CIT: variants seen among roughly 807,000 people sequenced by gnomAD.
CIT encodes the protein citron Rho-interacting kinase.
In CIT, 79 loss-of-function variants were observed where a neutral mutation model predicts 272.7. The ratio of observed to expected loss-of-function variants is 0.29; its 90% confidence interval spans 0.24 to 0.35. CIT has a LOEUF of 0.35. CIT is among the 10% of genes least tolerant of loss of function. The probability of loss-of-function intolerance (pLI) is 1.00; values close to 1 mark genes in which losing one functional copy is unlikely to be tolerated. For missense variants in CIT, 1,909 were observed against 2,618.3 expected (o/e 0.73, Z 5.91); for synonymous variants, 948 against 995.6 (o/e 0.95, Z 0.90).
In CIT at chr12:119,737,135, G is replaced by A. The variant is rs193056264; in HGVS notation, c.2959-1778C>T. Among the ~76,000 whole-genome samples the A allele has an allele frequency of 3.6e-4, 54 of 151,850 alleles. 1 individual carries two copies. The highest frequency in any genetic ancestry group is 1.2e-3 in the African/African-American group (50 of 41,410). On this transcript the variant is annotated intron_variant, in intron 24 of 47. Coordinates refer to ENST00000392521, the MANE Select transcript of CIT (RefSeq NM_001206999.2). Reference sequence around the variant, plus strand: ...ATCCCGGCTAACACGGTGAAACCCCGTCTCTACTAAAAATACAAAAAATTA... The same window carrying A: ...ATCCCGGCTAACACGGTGAAACCCCATCTCTACTAAAAATACAAAAAATTA...
At chr12:119,764,607 C>CAA (rs747882945) in intron 19 of CIT, among the ~76,000 whole-genome samples, 4 of 59,604 alleles carry the variant, frequency 6.7e-5, no homozygotes, top group Admixed American at 3.1e-4. Context: ...GATCCTGTCT[C>CAA]AAAAAAAAAA....
intron 9 of CIT, among the ~76,000 whole-genome samples, chr12:119,822,350 A>G (rs1257519163): frequency 6.6e-6 from 1 of 152,234 alleles, no homozygotes; most frequent in Non-Finnish European, 1.5e-5. Flanking sequence ...CATGCTTGTG[A>G]GCAAAGACAA....
chr12:119,872,647 G>C (rs1006144537), intron 2 of CIT, among the ~76,000 whole-genome samples: 1 of 152,168 alleles, frequency 6.6e-6, no homozygotes, highest in South Asian at 2.1e-4. Context: ...GACGTGCACA[G>C]GTGCTGTGGC....
At chr12:119,695,014 G>T (rs1262211391) in intron 46 of CIT, among the ~76,000 whole-genome samples, 1 of 152,082 alleles carries the variant, frequency 6.6e-6, no homozygotes, top group African/African-American at 2.4e-5. Context: ...AACCAAAAGA[G>T]TCAGGAGCAC....
intron 32 of CIT, among the ~76,000 whole-genome samples, chr12:119,717,838 C>CTTTTTTTTTTGTTTTTTTT (rs1957601906): frequency 1.2e-5 from 1 of 81,332 alleles, no homozygotes; most frequent in Non-Finnish European, 2.3e-5. Context: ...TGACTTCTTT[C>CTTTTTTTTTTGTTTTTTTT]TTTTTTTTTT....
intron 6 of CIT, among the ~76,000 whole-genome samples, chr12:119,833,750 T>C (rs1968809605): frequency 6.6e-6 from 1 of 151,894 alleles, no homozygotes; most frequent in South Asian, 2.1e-4. Flanking sequence ...TACTATGTGG[T>C]ATGACATTTC....
At chr12:119,747,589 G>A (rs1004798179) in intron 23 of CIT, among the ~76,000 whole-genome samples, 5 of 151,420 alleles carry the variant, frequency 3.3e-5, no homozygotes, top group Admixed American at 2.0e-4. Flanking sequence ...CGTGGTGGGC[G>A]AGCACCTGTA....
intron 22 of CIT, among the ~76,000 whole-genome samples, chr12:119,752,999 T>C (rs1484513631): frequency 6.6e-6 from 1 of 152,102 alleles, no homozygotes; most frequent in African/African-American, 2.4e-5. Context: ...TTAAATTCTG[T>C]TGAAGAATAT....
chr12:119,804,151 T>C lies in CIT; in HGVS notation c.1112-762A>G, dbSNP rs1259080646. ...CGGTGGGAATGCACGGATGGACATA[T>C]GCGGCTCCTACCTCCTCAGGGCTTC... is the stretch of plus-strand genomic sequence containing the variant. On this transcript the variant is annotated intron_variant, in intron 9 of 47. Coordinates refer to ENST00000392521, the MANE Select transcript of CIT (RefSeq NM_001206999.2). The surrounding 1 kb of genome is among the most constrained non-coding windows in gnomAD (Gnocchi z 5.3). 1.0e-5 allele frequency: 10 copies of C among 985,330 alleles called. No individual in the cohort carries two copies. Among genetic ancestry groups the C allele is most frequent in the Non-Finnish European group, 1.2e-5 (10 of 829,906 alleles). 61.0% of individuals were successfully genotyped at this position (985,330 alleles called of 1,614,324 possible).
chr12:119,688,380 T>A, intron 47 of CIT, 125 bp from the exon 48 acceptor site: 1 of 950,088 alleles, frequency 1.1e-6, no homozygotes, highest in Non-Finnish European at 1.7e-6. Flanking sequence ...CAGTGAGTGC[T>A]TGGCAGGGCA....
intron 4 of CIT, among the ~76,000 whole-genome samples, chr12:119,851,163 C>A (rs145966656): frequency 1.3e-5 from 2 of 152,184 alleles, no homozygotes; most frequent in Admixed American, 6.5e-5. Context: ...AGGTGATCCT[C>A]TTGCCTCAGC....
chr12:119,821,936 A>T (rs1005938252), intron 9 of CIT, among the ~76,000 whole-genome samples: 1 of 152,208 alleles, frequency 6.6e-6, no homozygotes, highest in African/African-American at 2.4e-5. Flanking sequence ...ACAACTGGAC[A>T]ATACTGATTT....
Position 119,705,770 on chromosome 12 carries a change from T to A in CIT, c.5212-1315A>T, listed in dbSNP as rs1181512993. ...CTGGGTGACAGAGTGAGACTCTGTC[T>A]CAAAAAAAAAAAAAAAAAAAAAAAA... On this transcript the variant is annotated intron_variant, in intron 40 of 47. Transcript: ENST00000392521. 2.2e-4 allele frequency among the ~76,000 whole-genome samples: 7 copies of A among 31,318 alleles called. No homozygotes were observed. In the East Asian group the frequency reaches 6.7e-3, roughly 30 times the overall value. 20.5% of individuals were successfully genotyped at this position (31,318 alleles called of 152,430 possible). A position where few individuals can be genotyped will look rare whatever the true frequency, so the allele number is the denominator to read the frequency against.
intron 5 of CIT, among the ~76,000 whole-genome samples, chr12:119,845,645 T>A (rs1176216624): frequency 7.4e-6 from 1 of 134,596 alleles, no homozygotes; most frequent in Non-Finnish European, 1.5e-5. Context: ...AGAGCAAGAC[T>A]CTGTCTCAAA....
At chr12:119,705,436 G>A (rs935427117) in intron 40 of CIT, among the ~76,000 whole-genome samples, 6 of 152,068 alleles carry the variant, frequency 3.9e-5, no homozygotes, top group South Asian at 2.1e-4. Context: ...AAGATGGGCC[G>A]GGATAAGGGA....
chr12:119,731,777 G>T, intron 26 of CIT, among the ~76,000 whole-genome samples: 1 of 146,654 alleles, frequency 6.8e-6, no homozygotes. Flanking sequence ...ACCTCACCTT[G>T]TTCTGTAACA....
intron 23 of CIT, among the ~76,000 whole-genome samples, chr12:119,749,521 A>AG (rs778797286): frequency 1.8e-4 from 27 of 152,336 alleles, no homozygotes; most frequent in Non-Finnish European, 4.0e-4. Flanking sequence ...AATCAAGAGA[A>AG]GGGGGAAGGA....
intron 10 of CIT, among the ~76,000 whole-genome samples, chr12:119,789,282 T>C (rs1293158037): frequency 6.6e-6 from 1 of 152,194 alleles, no homozygotes; most frequent in Admixed American, 6.5e-5. Context: ...TAAAACTCAT[T>C]GTATGACCAT....
rs541227704 is a variant in CIT at position 119,764,521 on chromosome 12, T to G, written c.2304+2566A>C. 4.0e-5 allele frequency among the ~76,000 whole-genome samples: 6 copies of G among 150,230 alleles called. No homozygotes were observed. The South Asian group carries it at 1.3e-3, about 32-fold the overall frequency. On this transcript the variant is annotated intron_variant, in intron 19 of 47. Transcript: ENST00000392521. ...GTCCCAGCTACTCAGGAGGCTGAGG[T>G]AGGAGGATTGCTTAAGCCCAGGTTG...
Sources: gnomAD v4.1 joint callset for allele counts (sites outside exome capture counted in the v4.1 genomes callset) on GRCh38, gnomAD v4.1.1 for gene constraint, Gnocchi (gnomAD v3.1) non-coding constraint, MANE v1.5 for transcripts, NCBI Gene and HGNC (gene_info 2026-07-23, HGNC 2026-07-21) for gene names.